IMMP2L: variants seen among roughly 807,000 people sequenced by gnomAD.
IMMP2L encodes mitochondrial inner membrane protease subunit 2.
IMMP2L carries 18 observed loss-of-function variants against 19.3 expected under a neutral mutation model. The observed-to-expected ratio is 0.93, with a 90% CI of 0.64 to 1.38. IMMP2L has a LOEUF of 1.38. Among genes scored for constraint, IMMP2L ranks in the 40% most tolerant of loss-of-function variants. IMMP2L has a pLI of 0.00. For synonymous variants in IMMP2L, 76 were observed against 73.0 expected, an observed-to-expected ratio of 1.04 and a Z score of -0.21; for missense variants, 233 against 218.2, an observed-to-expected ratio of 1.07 and a Z score of -0.43.
intron 3 of IMMP2L, among the ~76,000 whole-genome samples, chr7:111,234,851 CCT>C (rs1814106459): frequency 6.6e-6 from 1 of 151,996 alleles, no homozygotes; most frequent in African/African-American, 2.4e-5. Flanking sequence ...TACATTTCCC[CCT>C]CTCCCAGCCT....
chr7:110,799,571 T>G (rs780661372), intron 5 of IMMP2L, among the ~76,000 whole-genome samples: 6 of 152,056 alleles, frequency 3.9e-5, no homozygotes, highest in Non-Finnish European at 5.9e-5. Flanking sequence ...ATTTAACATA[T>G]GATTGCCCAA....
At chr7:110,819,394 T>G (rs1352755401) in intron 5 of IMMP2L, among the ~76,000 whole-genome samples, 1 of 152,076 alleles carries the variant, frequency 6.6e-6, no homozygotes, top group African/African-American at 2.4e-5. Flanking sequence ...TGAACTGTGA[T>G]GCATATATTT....
intron 3 of IMMP2L, among the ~76,000 whole-genome samples, chr7:111,413,621 T>TTA (rs1563161234): frequency 1.3e-5 from 2 of 151,956 alleles, no homozygotes; most frequent in East Asian, 3.9e-4. Context: ...ATATCAATAG[T>TTA]TACAGAAAAG....
intron 3 of IMMP2L, among the ~76,000 whole-genome samples, chr7:111,316,327 T>C (rs113805557): frequency 0.023 from 3,481 of 151,658 alleles, 137 homozygotes; most frequent in African/African-American, 0.08. Flanking sequence ...AAAAGACTCA[T>C]AGACAAAGAA....
In IMMP2L at chr7:111,447,715, T is replaced by C. The variant is rs541469536; in HGVS notation, c.239+39523A>G. Reference sequence around the variant, plus strand: ...CAAATTCACACATAACAATATTAACTTTAAATGTAAATGGACTAAATTCTC... The same window carrying C: ...CAAATTCACACATAACAATATTAACCTTAAATGTAAATGGACTAAATTCTC... On this transcript the variant is annotated intron_variant, in intron 3 of 5. Coordinates refer to ENST00000405709, the MANE Select transcript of IMMP2L (RefSeq NM_032549.4). Among the ~76,000 whole-genome samples the C allele has an allele frequency of 1.1e-4, 16 of 151,180 alleles. No individual in the cohort carries two copies. The East Asian group carries it at 1.4e-3, about 13-fold the overall frequency.
intron 3 of IMMP2L, among the ~76,000 whole-genome samples, chr7:111,254,876 T>C (rs1185491019): frequency 7.2e-5 from 11 of 152,162 alleles, no homozygotes; most frequent in Admixed American, 7.2e-4. Context: ...CAACTGTATA[T>C]TGTTTCTGGG....
chr7:111,176,714 A>T (rs2129610132), intron 3 of IMMP2L, among the ~76,000 whole-genome samples: 1 of 152,136 alleles, frequency 6.6e-6, no homozygotes, highest in South Asian at 2.1e-4. Flanking sequence ...TTGATAGCAC[A>T]AAAGGGTAAC....
In IMMP2L at chr7:110,959,204, C is replaced by T. The variant is rs1019489603; in HGVS notation, c.305+4296G>A. On this transcript the variant is annotated intron_variant, in intron 4 of 5. Coordinates refer to ENST00000405709, the MANE Select transcript of IMMP2L (RefSeq NM_032549.4). The stretch of plus-strand genomic sequence containing the variant: ...TGATCATTTTATGAAATATCAAATT[C>T]TTTCCAAGAAAATATTTTTGGTGAC... 3.3e-5 allele frequency among the ~76,000 whole-genome samples: 5 copies of T among 151,858 alleles called. No individual in the cohort carries two copies. The South Asian group carries it at 1.0e-3, about 31-fold the overall frequency.
intron 5 of IMMP2L, among the ~76,000 whole-genome samples, chr7:110,845,037 A>C (rs1048591250): frequency 3.3e-5 from 5 of 152,158 alleles, no homozygotes; most frequent in African/African-American, 7.2e-5. Flanking sequence ...AGATTTAAAA[A>C]GTAGCATGTG....
intron 3 of IMMP2L, among the ~76,000 whole-genome samples, chr7:111,445,409 C>T (rs1312345718): frequency 1.3e-5 from 2 of 151,692 alleles, no homozygotes; most frequent in East Asian, 1.9e-4. Flanking sequence ...AAAATAGACA[C>T]AAACATACAT....
intron 5 of IMMP2L, among the ~76,000 whole-genome samples, chr7:110,697,895 A>G (rs1793999796): frequency 6.6e-6 from 1 of 152,200 alleles, no homozygotes; most frequent in Non-Finnish European, 1.5e-5. Flanking sequence ...TAAAGATGGC[A>G]TGTTGTCTTT....
intron 4 of IMMP2L, among the ~76,000 whole-genome samples, chr7:110,928,010 C>T (rs1815051576): frequency 6.6e-6 from 1 of 151,754 alleles, no homozygotes; most frequent in Non-Finnish European, 1.5e-5. Context: ...TTTTTGTATA[C>T]TATCTCAAAT....
intron 3 of IMMP2L, among the ~76,000 whole-genome samples, chr7:111,052,309 T>A (rs781076654): frequency 5.9e-5 from 9 of 152,144 alleles, no homozygotes; most frequent in Non-Finnish European, 1.2e-4. Flanking sequence ...AAGAGACATT[T>A]ACCATCTATT....
intron 3 of IMMP2L, among the ~76,000 whole-genome samples, chr7:111,230,256 A>C (rs911532252): frequency 3.2e-4 from 48 of 152,186 alleles, no homozygotes; most frequent in African/African-American, 1.0e-3. Flanking sequence ...AATTTAATTA[A>C]TGTGAAGAAC....
chr7:110,663,748 G>C (rs779322611), intron 5 of IMMP2L, 27 bp from the exon 6 acceptor site: 2 of 1,470,704 alleles, frequency 1.4e-6, no homozygotes, highest in Admixed American at 4.6e-5. Flanking sequence ...CAGAAAGAAA[G>C]CAATAAAGAG....
chr7:110,874,923 A>G (rs949791994), intron 5 of IMMP2L, among the ~76,000 whole-genome samples: 1 of 152,068 alleles, frequency 6.6e-6, no homozygotes, highest in African/African-American at 2.4e-5. Flanking sequence ...CTTTTTCCAC[A>G]CAGAGCAGGA....
chr7:111,111,687 T>A (rs1799223450), intron 3 of IMMP2L, among the ~76,000 whole-genome samples: 1 of 151,934 alleles, frequency 6.6e-6, no homozygotes, highest in Non-Finnish European at 1.5e-5. Flanking sequence ...TAATTTTAAA[T>A]GAATTCAAGG....
chr7:110,957,631 T>A, intron 4 of IMMP2L, among the ~76,000 whole-genome samples: 1 of 151,990 alleles, frequency 6.6e-6, no homozygotes. Flanking sequence ...TTACTTCAGT[T>A]TCCCTCCTTC....
chr7:110,847,417 C>T (rs10241029), intron 5 of IMMP2L, among the ~76,000 whole-genome samples: 1,944 of 152,180 alleles, frequency 0.013, 36 homozygotes, highest in African/African-American at 0.043. Context: ...TTAATACACG[C>T]TCATTTGAGA....
Sources: allele counts gnomAD v4.1 joint callset (sites outside exome capture counted in the v4.1 genomes callset), GRCh38; gene constraint gnomAD v4.1.1; transcripts MANE v1.5; gene names NCBI Gene and HGNC (gene_info 2026-07-23, HGNC 2026-07-21).